RSBN1L: variants seen among roughly 807,000 people sequenced by gnomAD.
RSBN1L encodes the protein lysine-specific demethylase RSBN1L.
In RSBN1L, 30 loss-of-function variants were observed where a neutral mutation model predicts 67.7. That is an observed-to-expected ratio of 0.44 (90% CI 0.33 to 0.60). The LOEUF is 0.60. Among genes scored for constraint, RSBN1L ranks in the 20% least tolerant of loss-of-function variants. The pLI is 0.02. For missense variants in RSBN1L, 992 were observed against 1,031.7 expected (o/e 0.96, Z 0.53); for synonymous variants, 433 against 387.0 (o/e 1.12, Z -1.39).
At chr7:77,748,755 G>C (rs1791516064) in intron 2 of RSBN1L, among the ~76,000 whole-genome samples, 1 of 152,108 alleles carries the variant, frequency 6.6e-6, no homozygotes, top group African/African-American at 2.4e-5. Flanking sequence ...AAAGTGCTGG[G>C]ATTACAGGCA....
chr7:77,741,999 G>T (rs538297368), intron 2 of RSBN1L, among the ~76,000 whole-genome samples: 1 of 151,962 alleles, frequency 6.6e-6, no homozygotes, highest in East Asian at 1.9e-4. Flanking sequence ...GGATTCACAG[G>T]ACTCAGCATA....
At chr7:77,773,704 A>G (rs1584305893) in intron 6 of RSBN1L, among the ~76,000 whole-genome samples, 1 of 152,226 alleles carries the variant, frequency 6.6e-6, no homozygotes, top group African/African-American at 2.4e-5. Flanking sequence ...CTGAGGGTGC[A>G]GTGAGCCGAG....
At chr7:77,775,792 A>C (rs935700139) in intron 6 of RSBN1L, among the ~76,000 whole-genome samples, 2 of 152,188 alleles carry the variant, frequency 1.3e-5, no homozygotes, top group Non-Finnish European at 2.9e-5. Context: ...GCGGTGGCTC[A>C]CAACTGTAAT....
intron 1 of RSBN1L, among the ~76,000 whole-genome samples, chr7:77,712,961 CACTT>C (rs1790994938): frequency 6.6e-6 from 1 of 152,194 alleles, no homozygotes; most frequent in Non-Finnish European, 1.5e-5. Context: ...TTTGCTGTCT[CACTT>C]GCATTATATA....
chr7:77,751,702 A>G (rs540678307), intron 3 of RSBN1L, among the ~76,000 whole-genome samples: 7 of 152,202 alleles, frequency 4.6e-5, no homozygotes, highest in African/African-American at 4.8e-5. Context: ...TGAGTATTTT[A>G]TATGTAGTAA....
chr7:77,715,403 T>C (rs1040227978), intron 1 of RSBN1L, among the ~76,000 whole-genome samples: 9 of 151,672 alleles, frequency 5.9e-5, no homozygotes, highest in Non-Finnish European at 1.0e-4. Context: ...TGATCTCGGC[T>C]AGGTGATTCT....
chr7:77,770,080 G>A (rs1179124499), intron 5 of RSBN1L, among the ~76,000 whole-genome samples: 1 of 152,182 alleles, frequency 6.6e-6, no homozygotes, highest in Non-Finnish European at 1.5e-5. Flanking sequence ...TCTTATTGAA[G>A]AGTATAGTTA....
At chr7:77,708,513 C>G (rs1790925268) in intron 1 of RSBN1L, among the ~76,000 whole-genome samples, 1 of 151,910 alleles carries the variant, frequency 6.6e-6, no homozygotes, top group South Asian at 2.1e-4. Flanking sequence ...TCCGGAGTAG[C>G]TGGGACTACA....
intron 1 of RSBN1L, among the ~76,000 whole-genome samples, chr7:77,730,568 T>G (rs1241855668): frequency 6.6e-6 from 1 of 152,216 alleles, no homozygotes; most frequent in East Asian, 1.9e-4. Flanking sequence ...TCCTCCCCAC[T>G]ATACCCTGGC....
At chr7:77,765,984 C>T (rs1403523121) in intron 4 of RSBN1L, among the ~76,000 whole-genome samples, 3 of 152,118 alleles carry the variant, frequency 2.0e-5, no homozygotes, top group Non-Finnish European at 4.4e-5. Context: ...TTAAGAAGTA[C>T]AGGAAGGATT....
intron 5 of RSBN1L, among the ~76,000 whole-genome samples, chr7:77,771,423 C>G (rs1791848368): frequency 6.6e-6 from 1 of 151,394 alleles, no homozygotes; most frequent in South Asian, 2.1e-4. Context: ...AACACAGTGT[C>G]TGGTGCTTAA....
chr7:77,714,781 T>G (rs1473275628), intron 1 of RSBN1L, among the ~76,000 whole-genome samples: 1 of 151,798 alleles, frequency 6.6e-6, no homozygotes, highest in Non-Finnish European at 1.5e-5. Context: ...GCTAACACGG[T>G]GAAACCCCGT....
chr7:77,752,342 AG>A (rs1791566111), intron 3 of RSBN1L, among the ~76,000 whole-genome samples: 1 of 152,180 alleles, frequency 6.6e-6, no homozygotes, highest in Non-Finnish European at 1.5e-5. Context: ...TTGCTTCTTT[AG>A]CTTTAGACTT....
At chr7:77,762,930 T>C (rs117213678) in intron 3 of RSBN1L, among the ~76,000 whole-genome samples, 1,867 of 152,268 alleles carry the variant, frequency 0.012, 16 homozygotes, top group Middle Eastern at 0.034. Context: ...GAAAATTCTT[T>C]CCTAACAGTC....
chr7:77,705,249 TATC>T (rs1790875287), intron 1 of RSBN1L, among the ~76,000 whole-genome samples: 1 of 152,212 alleles, frequency 6.6e-6, no homozygotes, highest in South Asian at 2.1e-4. Context: ...GCATACCTGT[TATC>T]ATGCAGATTT....
chr7:77,757,838 A>T (rs1390451564), intron 3 of RSBN1L, among the ~76,000 whole-genome samples: 6 of 152,310 alleles, frequency 3.9e-5, no homozygotes, highest in Admixed American at 1.3e-4. Flanking sequence ...AAAGAGGGTA[A>T]GCCCCAGTGT....
intron 1 of RSBN1L, among the ~76,000 whole-genome samples, chr7:77,729,498 A>T (rs554754395): frequency 1.9e-4 from 29 of 152,236 alleles, no homozygotes; most frequent in Non-Finnish European, 4.0e-4. Flanking sequence ...TGTTGACTGT[A>T]AGATTCTTAG....
intron 1 of RSBN1L, among the ~76,000 whole-genome samples, chr7:77,719,888 C>T (rs1280900184): frequency 2.0e-5 from 3 of 152,154 alleles, no homozygotes; most frequent in African/African-American, 7.2e-5. Context: ...ACTGAGCCTT[C>T]TGAGTAGCCA....
rs1233210694 is a variant in RSBN1L at position 77,720,652 on chromosome 7, C to T, written c.587-15758C>T. Among the ~76,000 whole-genome samples, 5 of 151,928 alleles carry T rather than the reference C, an allele frequency of 3.3e-5. No homozygotes were observed. In the South Asian group the frequency reaches 8.3e-4, roughly 25 times the overall value. ...AGTAACTTGCTTCATGTCACTTGATCAGTTATTGGCAGAGCTAGAATTTGA... is the reference window on the plus strand; with the variant it reads ...AGTAACTTGCTTCATGTCACTTGATTAGTTATTGGCAGAGCTAGAATTTGA... On this transcript the variant is annotated intron_variant, in intron 1 of 7. Transcript: ENST00000334955.
Sources: allele counts gnomAD v4.1 joint callset (sites outside exome capture counted in the v4.1 genomes callset), GRCh38; gene constraint gnomAD v4.1.1; transcripts MANE v1.5; gene names NCBI Gene and HGNC (gene_info 2026-07-23, HGNC 2026-07-21).